Variants in THOP1 observed in about 807,000 individuals in gnomAD.
THOP1 encodes thimet oligopeptidase.
A neutral mutation model predicts 71.8 loss-of-function variants in THOP1; 49 were observed. That is an observed-to-expected ratio of 0.68 (90% confidence interval 0.54 to 0.87). The LOEUF (loss-of-function observed/expected upper bound fraction) is 0.87, where lower values mean the gene tolerates loss of function less well. Among genes scored for constraint, THOP1 ranks in the 40% least tolerant of loss-of-function variants. THOP1 has a pLI of 0.00. For missense variants in THOP1, 843 were observed against 975.6 expected (o/e 0.86, Z 1.81); for synonymous variants, 426 against 421.5 (o/e 1.01, Z -0.13).
intron 1 of THOP1, among the ~76,000 whole-genome samples, chr19:2,789,357 C>T (rs1915825174): frequency 6.6e-6 from 1 of 152,244 alleles, no homozygotes; most frequent in Non-Finnish European, 1.5e-5. Context: ...CATAGTCGCC[C>T]TTCCCGCAGC....
intron 12 of THOP1, among the ~76,000 whole-genome samples, chr19:2,812,636 G>A (rs113810594): frequency 0.044 from 6,635 of 152,278 alleles, 456 homozygotes; most frequent in African/African-American, 0.15. Context: ...CCTGCAGTCC[G>A]CGCAGGCTCC....
chr19:2,799,088 G>A (rs1916083924), intron 4 of THOP1, among the ~76,000 whole-genome samples: 1 of 152,222 alleles, frequency 6.6e-6, no homozygotes, highest in Non-Finnish European at 1.5e-5. Context: ...CACTTTGGGA[G>A]GCTGAGGTGG....
chr19:2,798,292 A>G (rs1160218788), intron 4 of THOP1, among the ~76,000 whole-genome samples: 3 of 152,114 alleles, frequency 2.0e-5, no homozygotes, highest in Admixed American at 6.5e-5. Context: ...TGGCCTCCCA[A>G]ACTGCTGGGA....
intron 5 of THOP1, among the ~76,000 whole-genome samples, chr19:2,803,960 C>T (rs925396198): frequency 6.6e-6 from 1 of 152,046 alleles, no homozygotes; most frequent in Non-Finnish European, 1.5e-5. Context: ...CCCAATCATT[C>T]TTTCCACCCT....
At position 2,804,735 on chromosome 19, in the gene THOP1, C is replaced by G; in HGVS notation, c.590-281C>G. On this transcript the variant is annotated intron_variant, in intron 5 of 12. Coordinates refer to ENST00000307741, the MANE Select transcript of THOP1 (RefSeq NM_003249.5). The surrounding 1 kb of genome is among the most constrained non-coding windows in gnomAD (Gnocchi z 4.7). ...CTTTAACCTCTCTGGGGCAGGAGAT[C>G]CTGCTCTGAGGATGCTGGGGGGTTT... 2.7e-6 allele frequency: 1 copy of G among 377,214 alleles called. No individual in the cohort carries two copies. The highest frequency in any genetic ancestry group is 4.8e-6 in the Non-Finnish European group (1 of 209,152). The allele number at this position is 377,214 out of a possible 1,614,324, so 23.4% of individuals were successfully genotyped here.
At position 2,813,160 on chromosome 19, in the gene THOP1, G is replaced by A. The variant is rs371442536; in HGVS notation, c.1954G>A (p.Glu652Lys). The change falls in exon 13 of 13, where the codon GAG becomes AAG. Residue 652 changes from glutamate (E) to lysine (K), a missense_variant. Physicochemically the swap from Glu to Lys is moderately conservative, Grantham distance 56 (BLOSUM62 1). Transcript: ENST00000307741. ...RSCILRPGGS[E>K]DASAMLRRFL... ...CTGCATCCTGAGACCCGGCGGTTCC[G>A]AGGATGCCAGCGCCATGCTGAGGCG... 6.2e-6 allele frequency: 10 copies of A among 1,612,042 alleles called. No homozygotes were observed. The highest frequency in any genetic ancestry group is 2.7e-5 in the African/African-American group (2 of 75,014).
chr19:2,790,341 C>G (rs1915845253), intron 1 of THOP1, 80 bp from the exon 2 acceptor site: 2 of 1,360,636 alleles, frequency 1.5e-6, no homozygotes, highest in South Asian at 3.0e-5. Context: ...TGATCCCTTC[C>G]TTTCCCTCTG....
At chr19:2,790,203 T>C (rs1428144664) in intron 1 of THOP1, among the ~76,000 whole-genome samples, 1 of 152,214 alleles carries the variant, frequency 6.6e-6, no homozygotes, top group Non-Finnish European at 1.5e-5. Flanking sequence ...CAGCCACATG[T>C]GTCCTAGATG....
chr19:2,807,649 T>G lies in THOP1; in HGVS notation c.1094T>G (p.Val365Gly), dbSNP rs1350206430. ...LLKEYFPVQV[V>G]THGLLGIYQE... ...AAGGAGTACTTCCCCGTGCAGGTGG[T>G]CACGCACGGGCTGCTGGGCATCTAC... Residue 365 changes from valine (V) to glycine (G), a missense_variant, in exon 8 of 13, where the codon GTC becomes GGC. Transcript: ENST00000307741. 1 of 1,610,426 alleles carries G rather than the reference T, an allele frequency of 6.2e-7. No individual in the cohort carries two copies. The highest frequency in any genetic ancestry group is 1.3e-5 in the African/African-American group (1 of 74,990).
rs1000516034 is a variant in THOP1 at position 2,804,523 on chromosome 19, C to T, written c.590-493C>T. 1.3e-5 allele frequency: 2 copies of T among 154,316 alleles called. No homozygotes were observed. Among genetic ancestry groups the T allele is most frequent in the African/African-American group, 4.8e-5 (2 of 41,458 alleles). The allele number at this position is 154,316 out of a possible 1,614,324, so 9.6% of individuals were successfully genotyped here. On this transcript the variant is annotated intron_variant, in intron 5 of 12. Coordinates refer to ENST00000307741, the MANE Select transcript of THOP1 (RefSeq NM_003249.5). The surrounding 1 kb of genome is among the most constrained non-coding windows in gnomAD (Gnocchi z 4.7). ...CTCCCTCTCCACGTGGGGCCTCCCT[C>T]TCCGCCCAGGGCCCAGCGTGCTCAG...
chr19:2,808,130 T>A (rs1016514971), intron 8 of THOP1, 113 bp from the exon 9 acceptor site: 13 of 1,250,836 alleles, frequency 1.0e-5, no homozygotes, highest in Non-Finnish European at 1.5e-5. Flanking sequence ...GTTTAGAACC[T>A]CAGAGGTGCC....
In THOP1 at chr19:2,814,447, C is replaced by T. The variant is rs1159358906; in HGVS notation, c.*1171C>T. On this transcript the variant is annotated 3_prime_UTR_variant, in exon 13 of 13. Coordinates refer to ENST00000307741, the MANE Select transcript of THOP1 (RefSeq NM_003249.5). ...AACCTGTGACCCTGCTTCCCGAGGC[C>T]TATGGGTGGCCAGACATCCGCCTCG... The T allele has an allele frequency of 6.6e-6, 1 of 152,332 alleles. No individual in the cohort carries two copies. Among genetic ancestry groups the T allele is most frequent in the African/African-American group, 2.4e-5 (1 of 41,470 alleles). 9.4% of individuals were successfully genotyped at this position (152,332 alleles called of 1,614,324 possible).
Position 2,799,723 on chromosome 19 carries a change from T to C in THOP1, c.521T>C (p.Leu174Pro). The C allele has an allele frequency of 1.2e-6, 2 of 1,613,926 alleles. No homozygotes were observed. The highest frequency in any genetic ancestry group is 1.7e-6 in the Non-Finnish European group (2 of 1,179,928). ...IKRIKKKLSLLCIDFNKNLNE... is the reference protein window; with the variant it reads ...IKRIKKKLSLPCIDFNKNLNE... ...CGCATCAAGAAGAAGCTGAGCCTTC[T>C]GTGCATCGACTTCAACAAGAACCTG... Residue 174 changes from leucine to proline, a missense_variant, in exon 5 of 13, where the codon CTG (leucine) becomes CCG (proline). Transcript: ENST00000307741.
chr19:2,812,779 C>T (rs1038285405), intron 12 of THOP1, among the ~76,000 whole-genome samples: 10 of 152,222 alleles, frequency 6.6e-5, no homozygotes, highest in African/African-American at 1.7e-4. Context: ...CGGCCCAGAG[C>T]GCGAGCGGCT....
chr19:2,810,179 G>A, intron 9 of THOP1, 125 bp from the exon 10 acceptor site: 1 of 1,267,682 alleles, frequency 7.9e-7, no homozygotes, highest in South Asian at 1.5e-5. Context: ...GGGGTGGGAG[G>A]GCCGGGCCCA....
chr19:2,808,319 G>A lies in THOP1; in HGVS notation c.1330G>A (p.Ala444Thr), dbSNP rs1395839590. The change falls in exon 9 of 13, where the codon GCC (alanine) becomes ACC (threonine). Residue 444 changes from alanine (A) to threonine (T), a missense_variant. Physicochemically the swap from Ala to Thr is moderately conservative, Grantham distance 58. Coordinates refer to ENST00000307741, the MANE Select transcript of THOP1 (RefSeq NM_003249.5). ...CLRQDGSRQI[A>T]IAAMVANFTK... is the part of the protein sequence containing the mutation. ...GCGGCAGGATGGGAGCCGCCAGATC[G>A]CCATCGCGGCCATGGTGGCCAACTT... 12 of 1,589,778 alleles carry A rather than the reference G, an allele frequency of 7.5e-6. No homozygotes were observed. The highest frequency in any genetic ancestry group is 5.3e-5 in the Admixed American group (3 of 56,788).
At chr19:2,803,434 G>T (rs182143326) in intron 5 of THOP1, among the ~76,000 whole-genome samples, 50 of 152,262 alleles carry the variant, frequency 3.3e-4, no homozygotes, top group African/African-American at 1.2e-3. Flanking sequence ...ATGCATTCGT[G>T]AACTATCCAT....
intron 4 of THOP1, 139 bp from the exon 5 acceptor site, chr19:2,799,550 C>T: frequency 1.5e-6 from 1 of 654,836 alleles, no homozygotes; most frequent in Non-Finnish European, 2.7e-6. Context: ...CTCACTCTTT[C>T]CTCCTCGGTT....
chr19:2,812,806 G>A (rs367742796), intron 12 of THOP1, among the ~76,000 whole-genome samples: 52 of 152,334 alleles, frequency 3.4e-4, no homozygotes, highest in African/African-American at 1.0e-3. Flanking sequence ...TTGTCCAGCC[G>A]GAGGCTCAGC....
Sources: gnomAD v4.1 joint callset for allele counts (sites outside exome capture counted in the v4.1 genomes callset) on GRCh38, gnomAD v4.1.1 for gene constraint, Gnocchi (gnomAD v3.1) non-coding constraint, MANE v1.5 for transcripts, NCBI Gene and HGNC (gene_info 2026-07-23, HGNC 2026-07-21) for gene names.